Variants in TMPRSS11F observed in about 807,000 individuals in gnomAD.
The protein encoded by TMPRSS11F is transmembrane protease serine 11F.
TMPRSS11F carries 47 observed loss-of-function variants against 60.2 expected under a neutral mutation model. The ratio of observed to expected loss-of-function variants is 0.78; its 90% CI spans 0.62 to 1.00. The LOEUF (loss-of-function observed/expected upper bound fraction) is 1.00, where lower values mean the gene tolerates loss of function less well. Among genes scored for constraint, TMPRSS11F ranks in the 50% least tolerant of loss-of-function variants. The pLI is 0.00. For synonymous variants in TMPRSS11F, 166 were observed against 167.3 expected, an observed-to-expected ratio of 0.99 and a Z score of 0.06; for missense variants, 519 against 522.9, an observed-to-expected ratio of 0.99 and a Z score of 0.07.
At chr4:68,092,550 T>G (rs1038860958) in intron 2 of TMPRSS11F, among the ~76,000 whole-genome samples, 2 of 152,186 alleles carry the variant, frequency 1.3e-5, no homozygotes, top group African/African-American at 2.4e-5. Context: ...AATTGTTATT[T>G]CTTTATTTTT....
intron 1 of TMPRSS11F, among the ~76,000 whole-genome samples, chr4:68,100,583 C>T (rs60887003): frequency 0.018 from 2,785 of 152,018 alleles, 73 homozygotes; most frequent in African/African-American, 0.059. Flanking sequence ...CTTGTTTGGA[C>T]GTCCAGGTAA....
chr4:68,087,394 C>G (rs1206795716), intron 3 of TMPRSS11F, among the ~76,000 whole-genome samples: 2 of 152,152 alleles, frequency 1.3e-5, no homozygotes, highest in East Asian at 1.9e-4. Context: ...GACAAACCCA[C>G]AGCCAACATC....
chr4:68,066,495 T>C (rs7674138), intron 7 of TMPRSS11F, among the ~76,000 whole-genome samples: 110,035 of 151,636 alleles, frequency 0.73, 40,653 homozygotes, highest in East Asian at 0.88. Flanking sequence ...AGGAGATGGT[T>C]CTGGTCTCTT....
At chr4:68,114,019 T>C (rs1446695019) in intron 1 of TMPRSS11F, among the ~76,000 whole-genome samples, 2 of 151,958 alleles carry the variant, frequency 1.3e-5, no homozygotes, top group East Asian at 3.9e-4. Flanking sequence ...ACAACAAGCT[T>C]CTAAATGACT....
In TMPRSS11F at chr4:68,064,543, C is replaced by G. The variant is rs551991384; in HGVS notation, c.1015+142G>C. 3.3e-5 allele frequency: 31 copies of G among 945,326 alleles called. No individual in the cohort carries two copies. In the South Asian group the frequency reaches 5.5e-4, roughly 17 times the overall value. 58.6% of individuals were successfully genotyped at this position (945,326 alleles called of 1,614,324 possible). ...GACCTGATTTTTACTTTTTAACCCA[C>G]AGTCTCCTGTTCTGCCCAAGGCCAC... is the stretch of plus-strand genomic sequence containing the variant. On this transcript the variant is annotated intron_variant, in intron 8 of 9. Transcript: ENST00000356291.
intron 8 of TMPRSS11F, among the ~76,000 whole-genome samples, chr4:68,064,395 C>T (rs755854477): frequency 2.0e-5 from 3 of 152,056 alleles, no homozygotes; most frequent in Non-Finnish European, 4.4e-5. Flanking sequence ...CCATGTTGGC[C>T]AGGTGTGTCT....
At chr4:68,102,903 A>C (rs1011338899) in intron 1 of TMPRSS11F, among the ~76,000 whole-genome samples, 12 of 151,602 alleles carry the variant, frequency 7.9e-5, no homozygotes, top group Admixed American at 7.2e-4. Context: ...GCCAATGTCC[A>C]GGAGCTTTTA....
chr4:68,072,353 TCAAA>T lies in TMPRSS11F; in HGVS notation c.480_483del (p.Leu161ProfsTer2). The T allele has an allele frequency of 6.2e-7, 1 of 1,601,646 alleles. No individual in the cohort carries two copies. Among genetic ancestry groups the T allele is most frequent in the Non-Finnish European group, 8.5e-7 (1 of 1,173,502 alleles). Reference sequence around the variant, plus strand: ...AGTCTAAATGATGGTTTGTTTATGGTCAAAGACAATTGTTTGGTCTTCAAACTTT... The same window carrying T: ...AGTCTAAATGATGGTTTGTTTATGGTGACAATTGTTTGGTCTTCAAACTTT... On this transcript the variant is annotated frameshift_variant, in exon 5 of 10. Transcript: ENST00000356291. LOFTEE classifies it high-confidence loss of function.
intron 7 of TMPRSS11F, among the ~76,000 whole-genome samples, chr4:68,066,933 CAAAAA>C (rs550010835): frequency 1.5e-5 from 1 of 65,170 alleles, no homozygotes; most frequent in Admixed American, 1.8e-4. Context: ...GACTTCATCT[CAAAAA>C]AAAAAAAAAA....
At chr4:68,087,328 C>G (rs561878547) in intron 3 of TMPRSS11F, among the ~76,000 whole-genome samples, 1 of 152,064 alleles carries the variant, frequency 6.6e-6, no homozygotes, top group Non-Finnish European at 1.5e-5. Context: ...ATGATAAAAA[C>G]CCTCAATAAA....
At chr4:68,077,240 C>G (rs1438721900) in intron 3 of TMPRSS11F, 1 of 152,270 alleles carries the variant, frequency 6.6e-6, no homozygotes, top group Non-Finnish European at 1.5e-5. Context: ...TCCAACCTCC[C>G]CAAGTATTGA....
chr4:68,054,251 T>C (rs539436629), intron 9 of TMPRSS11F, among the ~76,000 whole-genome samples, 184 bp from the exon 10 acceptor site: 2 of 152,236 alleles, frequency 1.3e-5, no homozygotes, highest in South Asian at 2.1e-4. Flanking sequence ...TTGTTTTTCA[T>C]AGGAAGGCTA....
chr4:68,063,138 A>T, intron 8 of TMPRSS11F: 1 of 616,572 alleles, frequency 1.6e-6, no homozygotes, highest in Non-Finnish European at 3.2e-6. Context: ...ATTAATATAG[A>T]GAAAAAGAAG....
intron 2 of TMPRSS11F, among the ~76,000 whole-genome samples, chr4:68,098,023 G>A (rs1724106245): frequency 6.6e-6 from 1 of 152,050 alleles, no homozygotes; most frequent in Non-Finnish European, 1.5e-5. Context: ...TGCAGAAATC[G>A]GCGGGGCATG....
chr4:68,092,054 G>A (rs1723954773), intron 2 of TMPRSS11F, among the ~76,000 whole-genome samples: 1 of 152,006 alleles, frequency 6.6e-6, no homozygotes, highest in Non-Finnish European at 1.5e-5. Context: ...CCAAAGTGCT[G>A]GGATTACAGG....
At chr4:68,063,870 C>T (rs1364059719) in intron 8 of TMPRSS11F, among the ~76,000 whole-genome samples, 1 of 152,030 alleles carries the variant, frequency 6.6e-6, no homozygotes, top group Non-Finnish European at 1.5e-5. Flanking sequence ...TGTTTATGAT[C>T]ATCATAAATT....
intron 1 of TMPRSS11F, among the ~76,000 whole-genome samples, chr4:68,102,998 T>TG: frequency 6.6e-6 from 1 of 151,240 alleles, no homozygotes; most frequent in South Asian, 2.1e-4. Flanking sequence ...TTTTTTTTTT[T>TG]GTAAGGTGTA....
chr4:68,096,420 T>A (rs2109869654), intron 2 of TMPRSS11F, among the ~76,000 whole-genome samples: 1 of 152,314 alleles, frequency 6.6e-6, no homozygotes, highest in African/African-American at 2.4e-5. Flanking sequence ...CAGTAATTGT[T>A]TTTTAAAATG....
intron 1 of TMPRSS11F, among the ~76,000 whole-genome samples, chr4:68,118,014 T>C: frequency 6.6e-6 from 1 of 152,186 alleles, no homozygotes; most frequent in East Asian, 1.9e-4. Context: ...ATGTGACACC[T>C]GAGACTGCTA....
Sources: gnomAD v4.1 joint callset for allele counts (sites outside exome capture counted in the v4.1 genomes callset) on GRCh38, gnomAD v4.1.1 for gene constraint, MANE v1.5 for transcripts, NCBI Gene and HGNC (gene_info 2026-07-23, HGNC 2026-07-21) for gene names.